Variants in HS3ST5 observed in about 807,000 individuals in gnomAD.
HS3ST5 encodes heparan sulfate glucosamine 3-O-sulfotransferase 5.
In HS3ST5, 10 loss-of-function variants were observed where a neutral mutation model predicts 25.4. The ratio of observed to expected loss-of-function variants is 0.39; its 90% confidence interval spans 0.24 to 0.67. HS3ST5 has a LOEUF of 0.67. Among genes scored for constraint, HS3ST5 ranks in the 30% least tolerant of loss-of-function variants. HS3ST5 has a pLI of 0.44. For missense variants in HS3ST5, 324 were observed against 420.7 expected, an observed-to-expected ratio of 0.77 and a Z score of 2.01; for synonymous variants, 170 against 162.4, an observed-to-expected ratio of 1.05 and a Z score of -0.36.
intron 1 of HS3ST5, among the ~76,000 whole-genome samples, chr6:114,253,845 C>A (rs776260312): frequency 3.3e-5 from 5 of 152,160 alleles, no homozygotes; most frequent in Middle Eastern, 3.2e-3. Flanking sequence ...AAGCAGACAA[C>A]AGGCCCTCTG....
chr6:114,155,615 C>T (rs1778664093), intron 3 of HS3ST5, among the ~76,000 whole-genome samples: 1 of 152,186 alleles, frequency 6.6e-6, no homozygotes, highest in South Asian at 2.1e-4. Context: ...ACCTCATCTA[C>T]CCTTTAAGCA....
At chr6:114,194,524 T>G (rs1203993612) in intron 2 of HS3ST5, among the ~76,000 whole-genome samples, 3 of 152,196 alleles carry the variant, frequency 2.0e-5, no homozygotes, top group Admixed American at 6.5e-5. Flanking sequence ...ACCAACTGCC[T>G]GATTGCTGGC....
chr6:114,328,557 T>C (rs774425804), intron 1 of HS3ST5, among the ~76,000 whole-genome samples: 2 of 152,210 alleles, frequency 1.3e-5, no homozygotes, highest in Non-Finnish European at 2.9e-5. Context: ...TGTAAAACCA[T>C]AGACACTCCC....
At chr6:114,312,942 T>C (rs1775593015) in intron 1 of HS3ST5, among the ~76,000 whole-genome samples, 1 of 138,112 alleles carries the variant, frequency 7.2e-6, no homozygotes, top group South Asian at 2.3e-4. Flanking sequence ...GAAGATCACT[T>C]CAGCCCAGGA....
chr6:114,164,405 A>G (rs1433405448), intron 3 of HS3ST5, among the ~76,000 whole-genome samples: 3 of 152,192 alleles, frequency 2.0e-5, no homozygotes, highest in African/African-American at 7.2e-5. Flanking sequence ...TAAGGAGGCT[A>G]TGAACAAAGT....
intron 1 of HS3ST5, among the ~76,000 whole-genome samples, chr6:114,283,959 G>A (rs1281484321): frequency 6.6e-6 from 1 of 151,880 alleles, no homozygotes; most frequent in Non-Finnish European, 1.5e-5. Context: ...TGATGAGGGA[G>A]TCACCCAATT....
At chr6:114,195,636 T>C (rs1207205813) in intron 2 of HS3ST5, among the ~76,000 whole-genome samples, 1 of 152,182 alleles carries the variant, frequency 6.6e-6, no homozygotes, top group East Asian at 1.9e-4. Flanking sequence ...GCAGAACTGA[T>C]AATATCATTT....
chr6:114,268,998 G>C (rs1773526445), intron 1 of HS3ST5, among the ~76,000 whole-genome samples: 1 of 152,100 alleles, frequency 6.6e-6, no homozygotes, highest in South Asian at 2.1e-4. Context: ...GGATGTTATG[G>C]GCTATTAGAC....
intron 1 of HS3ST5, among the ~76,000 whole-genome samples, chr6:114,265,424 C>A (rs944461239): frequency 1.3e-5 from 2 of 152,018 alleles, no homozygotes; most frequent in Non-Finnish European, 2.9e-5. Context: ...GGAGAGCATA[C>A]ACAAACACTT....
At chr6:114,278,618 A>T (rs1484035440) in intron 1 of HS3ST5, among the ~76,000 whole-genome samples, 5 of 152,006 alleles carry the variant, frequency 3.3e-5, no homozygotes, top group Non-Finnish European at 7.4e-5. Context: ...GGTCAGCTGC[A>T]TTCTGATTAC....
At chr6:114,146,475 G>A (rs906288581) in intron 3 of HS3ST5, among the ~76,000 whole-genome samples, 2 of 152,200 alleles carry the variant, frequency 1.3e-5, no homozygotes, top group Non-Finnish European at 2.9e-5. Flanking sequence ...AGGAGAATAT[G>A]GGCAAGGAAG....
At chr6:114,076,688 G>A (rs1371061080) in intron 3 of HS3ST5, among the ~76,000 whole-genome samples, 1 of 152,164 alleles carries the variant, frequency 6.6e-6, no homozygotes, top group Non-Finnish European at 1.5e-5. Context: ...TAAAGAACTC[G>A]TTTTCCTTCT....
chr6:114,282,613 A>C (rs895237112), intron 1 of HS3ST5, among the ~76,000 whole-genome samples: 2 of 152,000 alleles, frequency 1.3e-5, no homozygotes, highest in African/African-American at 4.8e-5. Context: ...ATTCAAGCCC[A>C]TGTTAATACA....
chr6:114,241,823 A>C (rs747256494), intron 1 of HS3ST5, among the ~76,000 whole-genome samples: 4 of 152,304 alleles, frequency 2.6e-5, no homozygotes, highest in African/African-American at 7.2e-5. Context: ...GACAAGATCT[A>C]AGAGATGTAA....
intron 3 of HS3ST5, among the ~76,000 whole-genome samples, chr6:114,068,276 A>G (rs1773588136): frequency 1.3e-5 from 2 of 152,140 alleles, no homozygotes; most frequent in African/African-American, 4.8e-5. Context: ...ATTTTTGAGA[A>G]ATGAGGATGC....
chr6:114,274,260 G>A (rs149470106), intron 1 of HS3ST5, among the ~76,000 whole-genome samples: 366 of 152,120 alleles, frequency 2.4e-3, no homozygotes, highest in Admixed American at 3.3e-3. Flanking sequence ...GGAGATCAGC[G>A]GAGAGAGACA....
At chr6:114,104,119 A>G (rs75321899) in intron 3 of HS3ST5, among the ~76,000 whole-genome samples, 8,903 of 152,090 alleles carry the variant, frequency 0.059, 324 homozygotes, top group Non-Finnish European at 0.081. Flanking sequence ...AACTGTAGAG[A>G]TCTTTATAAG....
At chr6:114,120,515 A>C (rs1429758963) in intron 3 of HS3ST5, among the ~76,000 whole-genome samples, 1 of 152,130 alleles carries the variant, frequency 6.6e-6, no homozygotes, top group Non-Finnish European at 1.5e-5. Flanking sequence ...TGTGTGTGTA[A>C]AATGAACAAC....
At chr6:114,251,288 A>T (rs1772647589) in intron 1 of HS3ST5, among the ~76,000 whole-genome samples, 1 of 152,154 alleles carries the variant, frequency 6.6e-6, no homozygotes, top group South Asian at 2.1e-4. Context: ...GAACAGATGA[A>T]AGAGGGCTAG....
Sources: allele counts gnomAD v4.1 joint callset (sites outside exome capture counted in the v4.1 genomes callset), GRCh38; gene constraint gnomAD v4.1.1; transcripts MANE v1.5; gene names NCBI Gene and HGNC (gene_info 2026-07-23, HGNC 2026-07-21).